TEX9: variants seen among roughly 807,000 people sequenced by gnomAD.
TEX9 encodes testis-expressed protein 9.
In TEX9, 74 loss-of-function variants were observed where a neutral mutation model predicts 59.6. That is an observed-to-expected ratio of 1.24 (90% CI 1.03 to 1.51). The LOEUF (loss-of-function observed/expected upper bound fraction) is 1.51. TEX9 is among the 40% of genes most tolerant of loss of function. The pLI is 0.00. For missense variants in TEX9, 522 were observed against 447.8 expected (o/e 1.17, Z -1.49); for synonymous variants, 186 against 152.2 (o/e 1.22, Z -1.64).
downstream of TEX9, among the ~76,000 whole-genome samples, chr15:56,449,103 GAATA>G (rs1241014747): frequency 6.6e-6 from 1 of 152,034 alleles, no homozygotes; most frequent in Non-Finnish European, 1.5e-5. Flanking sequence ...TATCATCTGT[GAATA>G]ATTAAATTTT....
chr15:56,263,362 C>A (rs754044938), intron 1 of TEX9, among the ~76,000 whole-genome samples: 30 of 152,094 alleles, frequency 2.0e-4, no homozygotes, highest in Non-Finnish European at 4.0e-4. Flanking sequence ...AAATCTTTGC[C>A]TTTTCACTGG....
At chr15:56,359,211 A>G (rs2046746180) in intron 1 of TEX9, among the ~76,000 whole-genome samples, 1 of 152,210 alleles carries the variant, frequency 6.6e-6, no homozygotes, top group Non-Finnish European at 1.5e-5. Flanking sequence ...GGTCAAATAT[A>G]CATAAAATTT....
chr15:56,386,974 A>G (rs550582252), intron 4 of TEX9, among the ~76,000 whole-genome samples: 1 of 151,874 alleles, frequency 6.6e-6, no homozygotes, highest in Non-Finnish European at 1.5e-5. Flanking sequence ...ATAATTAGGA[A>G]GAATATATTT....
intron 2 of TEX9, 108 bp from the exon 3 acceptor site, chr15:56,373,333 A>G (rs1469748869): frequency 2.2e-6 from 2 of 929,978 alleles, no homozygotes; most frequent in Admixed American, 3.0e-5. Context: ...TGCCATATGT[A>G]TATTTTGGCA....
chr15:56,362,057 A>G (rs908772716), upstream of TEX9, among the ~76,000 whole-genome samples: 32 of 152,132 alleles, frequency 2.1e-4, no homozygotes, highest in African/African-American at 7.5e-4. Flanking sequence ...AATTTATTAA[A>G]GTGTGTTATG....
At chr15:56,280,461 G>A (rs780242427) in intron 1 of TEX9, among the ~76,000 whole-genome samples, 2 of 152,160 alleles carry the variant, frequency 1.3e-5, no homozygotes, top group Non-Finnish European at 2.9e-5. Context: ...CATTCTACCC[G>A]AAGGCAAAGA....
intron 8 of TEX9, 54 bp downstream of exon 8, chr15:56,394,301 C>G (rs1224375296): frequency 1.2e-5 from 17 of 1,384,786 alleles, no homozygotes; most frequent in Non-Finnish European, 1.7e-5. Context: ...ATTTTAGGAG[C>G]AATTTCAATT....
intron 3 of TEX9, among the ~76,000 whole-genome samples, chr15:56,377,145 T>G (rs1186501846): frequency 6.6e-6 from 1 of 152,216 alleles, no homozygotes; most frequent in Non-Finnish European, 1.5e-5. Context: ...CTCAGATGTT[T>G]TGGTTACTAT....
chr15:56,284,196 T>A (rs1321239572), intron 1 of TEX9, among the ~76,000 whole-genome samples: 1 of 152,184 alleles, frequency 6.6e-6, no homozygotes, highest in Non-Finnish European at 1.5e-5. Context: ...AGGGTCTTGC[T>A]ATGTGGCCTG....
At chr15:56,405,899 C>T (rs11633679) in intron 9 of TEX9, among the ~76,000 whole-genome samples, 152,214 of 152,316 alleles carry the variant, frequency 1, 76,056 homozygotes, top group Middle Eastern at 1. Flanking sequence ...AAGCATTTTA[C>T]TTCAGCATTG....
chr15:56,427,739 G>A, exon 11 of TEX9: 1 of 1,468,186 alleles, frequency 6.8e-7, no homozygotes, highest in Non-Finnish European at 9.1e-7. Context: ...AAAGGCAAAA[G>A]GTGAGTCTAT....
At chr15:56,384,117 A>C (rs2047860022) in intron 4 of TEX9, 86 bp downstream of exon 4, 1 of 1,038,758 alleles carries the variant, frequency 9.6e-7, no homozygotes, top group Admixed American at 2.2e-5. Flanking sequence ...GCAAACATTG[A>C]AAAATCTATA....
Position 56,263,796 on chromosome 15 carries a change from C to T in TEX9, c.-107+19518C>T, listed in dbSNP as rs140281278. Among the ~76,000 whole-genome samples, 298 of 152,204 alleles carry T rather than the reference C, an allele frequency of 2.0e-3. 3 individuals carry two copies. Among genetic ancestry groups the T allele is most frequent in the Middle Eastern group, 3.4e-3 (1 of 294 alleles). On this transcript the variant is annotated intron_variant, in intron 1 of 5. Coordinates refer to the TEX9 transcript ENST00000560827. ...TTTATAAAATATCATATAAGTGGAACGATATAATATGAAGCATTTTGTGTT... is the reference window on the plus strand; with the variant it reads ...TTTATAAAATATCATATAAGTGGAATGATATAATATGAAGCATTTTGTGTT...
At chr15:56,357,505 T>A (rs1351956149) in intron 1 of TEX9, among the ~76,000 whole-genome samples, 1 of 152,148 alleles carries the variant, frequency 6.6e-6, no homozygotes, top group East Asian at 1.9e-4. Flanking sequence ...TTCTAAGGAA[T>A]TAACTTTTGT....
intron 12 of TEX9, among the ~76,000 whole-genome samples, chr15:56,433,523 C>T (rs1037361023): frequency 1.3e-5 from 2 of 152,158 alleles, no homozygotes; most frequent in African/African-American, 2.4e-5. Flanking sequence ...CAAGCCCCAT[C>T]AATTCCGTAT....
At chr15:56,255,153 A>G (rs1446637345) in intron 1 of TEX9, among the ~76,000 whole-genome samples, 1 of 152,158 alleles carries the variant, frequency 6.6e-6, no homozygotes, top group Non-Finnish European at 1.5e-5. Flanking sequence ...TTTGTGTTCC[A>G]TATAGACTCT....
At chr15:56,271,636 A>G (rs965956208) in intron 1 of TEX9, among the ~76,000 whole-genome samples, 3 of 151,996 alleles carry the variant, frequency 2.0e-5, no homozygotes, top group Admixed American at 1.3e-4. Flanking sequence ...TCCTATATTG[A>G]AGTCGTATTT....
At chr15:56,350,541 C>T in intron 1 of TEX9, among the ~76,000 whole-genome samples, 1 of 152,296 alleles carries the variant, frequency 6.6e-6, no homozygotes, top group South Asian at 2.1e-4. Context: ...GTTCTCATGC[C>T]TTTCACACCA....
At chr15:56,402,092 A>T (rs2048818030) in intron 9 of TEX9, among the ~76,000 whole-genome samples, 1 of 152,188 alleles carries the variant, frequency 6.6e-6, no homozygotes, top group South Asian at 2.1e-4. Context: ...AAGAGGAAAC[A>T]AATTCAAAAG....
Sources: gnomAD v4.1 joint callset for allele counts (sites outside exome capture counted in the v4.1 genomes callset) on GRCh38, gnomAD v4.1.1 for gene constraint, MANE v1.5 for transcripts, NCBI Gene and HGNC (gene_info 2026-07-23, HGNC 2026-07-21) for gene names.